ABTB3: variants seen among roughly 807,000 people sequenced by gnomAD.
ABTB3 encodes the protein ankyrin repeat- and BTB/POZ domain-containing protein 3.
chr12:107,378,729 C>T, the ABTB3 span, among the ~76,000 whole-genome samples: 2 of 152,172 alleles, frequency 1.3e-5, no homozygotes, highest in Non-Finnish European at 2.9e-5. Context: ...TGTTCATGCC[C>T]AAACCTACAA....
At chr12:107,511,451 T>A in the ABTB3 span, among the ~76,000 whole-genome samples, 1 of 152,182 alleles carries the variant, frequency 6.6e-6, no homozygotes, top group Non-Finnish European at 1.5e-5. Flanking sequence ...TTGCTAATCT[T>A]GGCCGGACTC....
the ABTB3 span, among the ~76,000 whole-genome samples, chr12:107,615,856 C>T: frequency 6.6e-6 from 1 of 152,182 alleles, no homozygotes; most frequent in African/African-American, 2.4e-5. Context: ...AAAGAGAGAT[C>T]AGCATCCAAG....
the ABTB3 span, chr12:107,318,982 G>A: frequency 3.1e-6 from 5 of 1,613,538 alleles, no homozygotes; most frequent in African/African-American, 5.3e-5. Flanking sequence ...GAACGCTGGA[G>A]GATCTGACGC....
the ABTB3 span, among the ~76,000 whole-genome samples, chr12:107,564,983 TG>T: frequency 4.6e-5 from 7 of 152,214 alleles, no homozygotes; most frequent in African/African-American, 1.7e-4. Flanking sequence ...AGGAGGGGGA[TG>T]TACCTGGAAA....
the ABTB3 span, among the ~76,000 whole-genome samples, chr12:107,427,994 G>A: frequency 5.5e-4 from 84 of 152,228 alleles, no homozygotes; most frequent in East Asian, 9.1e-3. Flanking sequence ...AGCCTTAAAC[G>A]CCTTGCCCTC....
At chr12:107,348,914 A>G in the ABTB3 span, among the ~76,000 whole-genome samples, 8 of 152,100 alleles carry the variant, frequency 5.3e-5, no homozygotes, top group Admixed American at 1.3e-4. Flanking sequence ...TGAGGGGGGG[A>G]CCCTAGGCAG....
chr12:107,530,517 T>C, the ABTB3 span, among the ~76,000 whole-genome samples: 46 of 152,362 alleles, frequency 3.0e-4, no homozygotes, highest in African/African-American at 9.6e-4. Flanking sequence ...AAGTCCTTGG[T>C]CAACACTTTG....
At chr12:107,476,726 G>A in the ABTB3 span, among the ~76,000 whole-genome samples, 1 of 151,820 alleles carries the variant, frequency 6.6e-6, no homozygotes, top group East Asian at 2.0e-4. Context: ...AGGATTGCAG[G>A]CAAGTGTCTG....
At chr12:107,370,865 G>A in the ABTB3 span, among the ~76,000 whole-genome samples, 2 of 150,698 alleles carry the variant, frequency 1.3e-5, no homozygotes, top group Non-Finnish European at 2.9e-5. Flanking sequence ...AGGGCTGTCA[G>A]GGTAGGCAGG....
the ABTB3 span, among the ~76,000 whole-genome samples, chr12:107,503,055 T>C: frequency 1.3e-5 from 2 of 152,130 alleles, no homozygotes; most frequent in Non-Finnish European, 2.9e-5. Context: ...CCAGGCCTTA[T>C]AGGGTCACAT....
chr12:107,440,846 G>C, the ABTB3 span, among the ~76,000 whole-genome samples: 1 of 152,208 alleles, frequency 6.6e-6, no homozygotes, highest in African/African-American at 2.4e-5. Context: ...CTGCATGAAT[G>C]ACTGCCTGGG....
chr12:107,544,031 A>T, the ABTB3 span: 1 of 1,613,964 alleles, frequency 6.2e-7, no homozygotes, highest in East Asian at 2.2e-5. Flanking sequence ...GGGGCACTGT[A>T]CTGGGAGCCC....
chr12:107,449,433 C>T, the ABTB3 span, among the ~76,000 whole-genome samples: 1 of 152,154 alleles, frequency 6.6e-6, no homozygotes, highest in African/African-American at 2.4e-5. Flanking sequence ...CTTCTCCTTT[C>T]ACTGCCTAAA....
At chr12:107,637,622 G>C in the ABTB3 span, among the ~76,000 whole-genome samples, 1 of 152,148 alleles carries the variant, frequency 6.6e-6, no homozygotes, top group Admixed American at 6.6e-5. Context: ...CCAAATAGTG[G>C]TTCTTTAGGG....
chr12:107,371,014 TCTC>T, the ABTB3 span, among the ~76,000 whole-genome samples: 1 of 151,392 alleles, frequency 6.6e-6, no homozygotes, highest in Non-Finnish European at 1.5e-5. Flanking sequence ...CCACCCCCCT[TCTC>T]CTCCTCCCTT....
chr12:107,571,627 G>C, the ABTB3 span, among the ~76,000 whole-genome samples: 1 of 152,250 alleles, frequency 6.6e-6, no homozygotes, highest in African/African-American at 2.4e-5. Flanking sequence ...CCTGCAAGGC[G>C]TGTTTCGCGG....
chr12:107,562,537 AG>A, the ABTB3 span, among the ~76,000 whole-genome samples: 1 of 152,184 alleles, frequency 6.6e-6, no homozygotes, highest in African/African-American at 2.4e-5. Context: ...GTGAGTGGGG[AG>A]TGTGATCAGA....
At chr12:107,621,284 G>C in the ABTB3 span, among the ~76,000 whole-genome samples, 1 of 152,134 alleles carries the variant, frequency 6.6e-6, no homozygotes, top group Admixed American at 6.5e-5. Context: ...GGTGCACCAG[G>C]CCTAGGGTAA....
the ABTB3 span, among the ~76,000 whole-genome samples, chr12:107,637,546 G>A: frequency 2.3e-3 from 343 of 152,280 alleles, 1 homozygote; most frequent in Non-Finnish European, 4.3e-3. Flanking sequence ...ATTAACAAAT[G>A]GAATATACAG....
Sources: allele counts gnomAD v4.1 joint callset (sites outside exome capture counted in the v4.1 genomes callset), GRCh38; gene constraint gnomAD v4.1.1; transcripts MANE v1.5; gene names NCBI Gene and HGNC (gene_info 2026-07-23, HGNC 2026-07-21).